RBM39: variants seen among roughly 807,000 people sequenced by gnomAD.
RBM39 encodes RNA binding motif protein 39.
A neutral mutation model predicts 79.6 loss-of-function variants in RBM39; 12 were observed. That is an observed-to-expected ratio of 0.15 (90% CI 0.10 to 0.24). RBM39 has a LOEUF of 0.24. Ranked by LOEUF, RBM39 falls within the 10% of genes least tolerant of loss-of-function variation. The pLI, the probability that RBM39 is intolerant of heterozygous loss-of-function variation, is 1.00. For missense variants in RBM39, 243 were observed against 653.4 expected, an observed-to-expected ratio of 0.37 and a Z score of 6.85; for synonymous variants, 185 against 208.4, an observed-to-expected ratio of 0.89 and a Z score of 0.97.
At chr20:35,709,451 C>T in intron 12 of RBM39, 177 bp from the exon 13 acceptor site, 1 of 558,122 alleles carries the variant, frequency 1.8e-6, no homozygotes, top group Non-Finnish European at 3.1e-6. Context: ...TTTTCCCCCT[C>T]TTATCCTGGG....
chr20:35,741,138 G>T (rs1240689281), intron 1 of RBM39, among the ~76,000 whole-genome samples: 1 of 134,952 alleles, frequency 7.4e-6, no homozygotes, highest in Non-Finnish European at 1.5e-5. Context: ...AGGTTCCAGC[G>T]ATCCTACCAC....
chr20:35,737,935 T>C (rs1426490867), intron 3 of RBM39, among the ~76,000 whole-genome samples: 1 of 148,144 alleles, frequency 6.8e-6, no homozygotes, highest in Non-Finnish European at 1.5e-5. Flanking sequence ...AGGAGGATCA[T>C]GAGAGGTCAG....
At chr20:35,712,064 C>CA in intron 12 of RBM39, among the ~76,000 whole-genome samples, 1 of 152,104 alleles carries the variant, frequency 6.6e-6, no homozygotes. Context: ...CCCCCACCAA[C>CA]AAAATAACAA....
chr20:35,737,272 C>A (rs1397746426), intron 3 of RBM39, among the ~76,000 whole-genome samples: 4 of 151,852 alleles, frequency 2.6e-5, no homozygotes, highest in Non-Finnish European at 2.9e-5. Flanking sequence ...CACCTGTAAT[C>A]CCAGCTGCTC....
chr20:35,709,623 A>G (rs936951787), intron 12 of RBM39, among the ~76,000 whole-genome samples: 2 of 152,196 alleles, frequency 1.3e-5, no homozygotes, highest in African/African-American at 4.8e-5. Flanking sequence ...ATTCAATTCC[A>G]AGTACTTGGG....
intron 3 of RBM39, among the ~76,000 whole-genome samples, chr20:35,736,302 C>T (rs2039898544): frequency 6.6e-6 from 1 of 152,074 alleles, no homozygotes; most frequent in African/African-American, 2.4e-5. Context: ...AACCTGATCC[C>T]CACAATTTCT....
At chr20:35,714,484 A>T in intron 10 of RBM39, 95 bp from the exon 11 acceptor site, 1 of 1,399,662 alleles carries the variant, frequency 7.1e-7, no homozygotes, top group Non-Finnish European at 9.4e-7. Context: ...AGCATATTCA[A>T]TAATTACTTC....
At chr20:35,738,891 G>T in intron 3 of RBM39, 77 bp downstream of exon 3, 1 of 1,284,282 alleles carries the variant, frequency 7.8e-7, no homozygotes, top group Non-Finnish European at 1.1e-6. Flanking sequence ...GTATACTTTA[G>T]CCACAGGAAC....
intron 10 of RBM39, among the ~76,000 whole-genome samples, chr20:35,715,868 GTCT>G (rs1002408429): frequency 6.0e-5 from 9 of 149,606 alleles, no homozygotes; most frequent in South Asian, 4.2e-4. Flanking sequence ...TTCACAGGAT[GTCT>G]TCCTCTCTCT....
Position 35,729,366 on chromosome 20 carries a change from C to T in RBM39, c.363-1G>A. The T allele has an allele frequency of 1.9e-6, 3 of 1,606,358 alleles. No individual in the cohort carries two copies. The highest frequency in any genetic ancestry group is 2.5e-6 in the Non-Finnish European group (3 of 1,178,322). ...ACTTTTGCTTCGGGAACGTCGTCTG[C>T]TGCAAAGTTAAAAAGTTTCAGAAGT... On this transcript the variant is annotated splice_acceptor_variant, in intron 5 of 16. Coordinates refer to ENST00000253363, the MANE Select transcript of RBM39 (RefSeq NM_184234.3). LOFTEE classifies it high-confidence loss of function.
chr20:35,701,668 C>T lies in RBM39; in HGVS notation c.*2813G>A, dbSNP rs73618512. On this transcript the variant is annotated 3_prime_UTR_variant, in exon 17 of 17. Coordinates refer to ENST00000253363, the MANE Select transcript of RBM39 (RefSeq NM_184234.3). ...ACTCGGGAGGCTGAGGCAGGAGAATCGCTTGAACCCAGAAGGTGGAGGTTG... is the reference window on the plus strand; with the variant it reads ...ACTCGGGAGGCTGAGGCAGGAGAATTGCTTGAACCCAGAAGGTGGAGGTTG... 12,492 of 152,140 alleles carry T rather than the reference C, an allele frequency of 0.082. 949 individuals carry two copies. The highest frequency in any genetic ancestry group is 0.2 in the African/African-American group (8,396 of 41,434). 9.4% of individuals were successfully genotyped at this position (152,140 alleles called of 1,614,324 possible). A position where few individuals can be genotyped will look rare whatever the true frequency, so the allele number is the denominator to read the frequency against.
intron 8 of RBM39, among the ~76,000 whole-genome samples, chr20:35,722,379 C>T (rs560755666): frequency 8.0e-5 from 12 of 149,430 alleles, no homozygotes; most frequent in African/African-American, 2.7e-4. Flanking sequence ...TGCACTCCAG[C>T]CTGGGTGACA....
intron 6 of RBM39, among the ~76,000 whole-genome samples, chr20:35,725,674 TTTTC>T (rs147008593): frequency 0.12 from 17,822 of 145,114 alleles, 1,113 homozygotes; most frequent in African/African-American, 0.18. Context: ...TTTTTTTTTT[TTTTC>T]CAGAGGAAGT....
chr20:35,734,059 A>G, intron 3 of RBM39: 1 of 269,946 alleles, frequency 3.7e-6, no homozygotes, highest in South Asian at 4.5e-5. Flanking sequence ...CATTATCTGG[A>G]TATGTAATTG....
intron 1 of RBM39, 146 bp from the exon 2 acceptor site, chr20:35,741,033 T>TTTTTTTTTTTTTC: frequency 3.1e-6 from 1 of 322,352 alleles, no homozygotes; most frequent in Non-Finnish European, 5.2e-6. Context: ...CATTTTTCTT[T>TTTTTTTTTTTTTC]TTTTTTTTTT....
At chr20:35,724,959 T>G (rs1034134630) in intron 7 of RBM39, 79 bp downstream of exon 7, 2 of 1,117,366 alleles carry the variant, frequency 1.8e-6, no homozygotes, top group Non-Finnish European at 2.6e-6. Flanking sequence ...TGCTACTAAA[T>G]CAAATGAAGT....
At chr20:35,724,462 C>T (rs926097595) in intron 8 of RBM39, 108 bp downstream of exon 8, 7 of 1,046,760 alleles carry the variant, frequency 6.7e-6, no homozygotes, top group Admixed American at 2.9e-5. Flanking sequence ...TGAAAACATC[C>T]GACTCAACGT....
At chr20:35,731,213 G>T (rs2039332003) in intron 4 of RBM39, 1 of 152,050 alleles carries the variant, frequency 6.6e-6, no homozygotes, top group South Asian at 2.1e-4. Flanking sequence ...TTATTAAGAG[G>T]AATTAACCTC....
intron 5 of RBM39, 33 bp downstream of exon 5, chr20:35,729,429 C>G: frequency 6.2e-7 from 1 of 1,608,108 alleles, no homozygotes; most frequent in African/African-American, 1.3e-5. Context: ...CCTTGAAAAA[C>G]AATTTAAACA....
Sources: gnomAD v4.1 joint callset for allele counts (sites outside exome capture counted in the v4.1 genomes callset) on GRCh38, gnomAD v4.1.1 for gene constraint, MANE v1.5 for transcripts, NCBI Gene and HGNC (gene_info 2026-07-23, HGNC 2026-07-21) for gene names.